Variants in MLLT3 observed in about 807,000 individuals in gnomAD.
The protein encoded by MLLT3 is protein AF-9.
MLLT3 carries 4 observed loss-of-function variants against 53.2 expected under a neutral mutation model. That is an observed-to-expected ratio of 0.08 (90% CI 0.04 to 0.17). MLLT3 has a LOEUF of 0.17. MLLT3 is among the 10% of genes least tolerant of loss of function. The probability of loss-of-function intolerance (pLI) is 1.00; values close to 1 mark genes in which losing one functional copy is unlikely to be tolerated. For synonymous variants in MLLT3, 283 were observed against 230.6 expected (o/e 1.23, Z -2.06); for missense variants, 569 against 684.0 (o/e 0.83, Z 1.87).
chr9:20,439,060 A>G (rs1019658781), intron 4 of MLLT3, among the ~76,000 whole-genome samples: 2 of 152,142 alleles, frequency 1.3e-5, no homozygotes, highest in African/African-American at 2.4e-5. Context: ...TCTATATTAA[A>G]TTACAAATCT....
intron 2 of MLLT3, among the ~76,000 whole-genome samples, chr9:20,529,329 ACC>A: frequency 1.3e-5 from 2 of 152,210 alleles, no homozygotes; most frequent in Non-Finnish European, 2.9e-5. Flanking sequence ...TAATGCAACC[ACC>A]TCTTCTCGTT....
rs116613642 is a variant in MLLT3, at chr9:20,362,358, C to T, written c.1331+1118G>A. 4.9e-3 allele frequency among the ~76,000 whole-genome samples: 739 copies of T among 152,276 alleles called. 5 individuals carry two copies. The highest frequency in any genetic ancestry group is 0.014 in the African/African-American group (601 of 41,562). ...GGTCATACGTTTTTCATCAACTAAACTTGAGAGCAGCCAGTGGTCAGGATT... is the reference window on the plus strand; with the variant it reads ...GGTCATACGTTTTTCATCAACTAAATTTGAGAGCAGCCAGTGGTCAGGATT... On this transcript the variant is annotated intron_variant, in intron 7 of 10. Coordinates refer to ENST00000380338, the MANE Select transcript of MLLT3 (RefSeq NM_004529.4).
intron 2 of MLLT3, among the ~76,000 whole-genome samples, chr9:20,519,989 C>A (rs543379637): frequency 1.3e-5 from 2 of 152,218 alleles, no homozygotes; most frequent in South Asian, 4.2e-4. Flanking sequence ...AAATATGGTA[C>A]ATATATGCCA....
rs186820645 is a variant in MLLT3 at position 20,464,242 on chromosome 9, C to T, written c.194-7456G>A. Among the ~76,000 whole-genome samples, 283 of 151,508 alleles carry T rather than the reference C, an allele frequency of 1.9e-3. 4 individuals carry two copies. Among genetic ancestry groups the T allele is most frequent in the South Asian group, 0.015 (73 of 4,768 alleles). ...AAATTATACTTTTCATTAATATTAA[C>T]GCATTTCTTCTCAATAATAATAGCC... On this transcript the variant is annotated intron_variant, in intron 2 of 10. Coordinates refer to ENST00000380338, the MANE Select transcript of MLLT3 (RefSeq NM_004529.4).
intron 2 of MLLT3, among the ~76,000 whole-genome samples, chr9:20,479,548 G>A (rs1461301770): frequency 6.6e-6 from 1 of 152,084 alleles, no homozygotes; most frequent in Admixed American, 6.6e-5. Flanking sequence ...GAGGAGAAAG[G>A]AGTAAGGCCT....
intron 2 of MLLT3, among the ~76,000 whole-genome samples, chr9:20,463,686 A>T (rs1456103270): frequency 6.6e-6 from 1 of 152,192 alleles, no homozygotes; most frequent in Non-Finnish European, 1.5e-5. Context: ...GATGGGAAAT[A>T]GAAAAACTGT....
At position 20,507,410 on chromosome 9, in the gene MLLT3, A is replaced by C. The variant is rs557195895; in HGVS notation, c.194-50624T>G. ...CCAAGTTGACTGCAGCCTAGGCTCA[A>C]AACTTCCTTCATTTTTTTAAAATGA... On this transcript the variant is annotated intron_variant, in intron 2 of 10. Coordinates refer to ENST00000380338, the MANE Select transcript of MLLT3 (RefSeq NM_004529.4). Among the ~76,000 whole-genome samples, 5 of 152,294 alleles carry C rather than the reference A, an allele frequency of 3.3e-5. No individual in the cohort carries two copies. The South Asian group carries it at 1.0e-3, about 32-fold the overall frequency.
At chr9:20,394,017 CACA>C (rs958557164) in intron 5 of MLLT3, among the ~76,000 whole-genome samples, 7 of 152,156 alleles carry the variant, frequency 4.6e-5, no homozygotes, top group East Asian at 1.9e-4. Flanking sequence ...AATTATCCTT[CACA>C]ACAACTCTTT....
rs772355170 is a variant in MLLT3, at chr9:20,552,522, CGTT to C, written c.193+68129_193+68131del. On this transcript the variant is annotated intron_variant, in intron 2 of 10. Transcript: ENST00000380338. ...CTCCTTCCCAGTTTGTTGTTGTTAT[CGTT>C]GTTGTTGTTGTTGGGGCAGAATAGA... Among the ~76,000 whole-genome samples, 450 of 151,930 alleles carry C rather than the reference CGTT, an allele frequency of 3.0e-3. 1 individual carries two copies. Among genetic ancestry groups the C allele is most frequent in the Middle Eastern group, 6.8e-3 (2 of 294 alleles).
chr9:20,595,257 C>G (rs990781339), intron 2 of MLLT3, among the ~76,000 whole-genome samples: 32 of 152,152 alleles, frequency 2.1e-4, no homozygotes, highest in African/African-American at 7.2e-4. Context: ...GATCCAGCTA[C>G]ACAAGAGGCT....
Position 20,414,037 on chromosome 9 carries a change from A to G in MLLT3, c.809T>C (p.Leu270Pro). 1.2e-6 allele frequency: 2 copies of G among 1,613,998 alleles called. No individual in the cohort carries two copies. Among genetic ancestry groups the G allele is most frequent in the East Asian group, 4.5e-5 (2 of 44,892 alleles). The change falls in exon 5 of 11, where the codon CTC (leucine) becomes CCC (proline). Residue 270 changes from leucine (L) to proline (P), a missense_variant. Around this residue, in one of 5 missense-constraint regions of MLLT3, gnomAD observed 437 missense variants for 376.5 expected, o/e 1.16. Transcript: ENST00000380338. ...SKEPKPDSNL[L>P]TITSGQDKKA... ...CTTATCTTGTCCACTGGTGATGGTG[A>G]GTAAGTTACTATCTGGTTTTGGCTC...
At chr9:20,361,338 T>G (rs1180739303) in intron 7 of MLLT3, among the ~76,000 whole-genome samples, 2 of 152,306 alleles carry the variant, frequency 1.3e-5, no homozygotes, top group East Asian at 3.9e-4. Context: ...ATGAAAAAGT[T>G]ACAAACATGT....
At chr9:20,512,938 G>A (rs1035006785) in intron 2 of MLLT3, among the ~76,000 whole-genome samples, 2 of 152,096 alleles carry the variant, frequency 1.3e-5, no homozygotes, top group African/African-American at 2.4e-5. Context: ...CATACTCCAC[G>A]GTATAGGACA....
intron 4 of MLLT3, among the ~76,000 whole-genome samples, chr9:20,430,287 T>G (rs751155161): frequency 3.3e-5 from 5 of 152,046 alleles, no homozygotes; most frequent in Admixed American, 3.3e-4. Flanking sequence ...ATCTCAACAG[T>G]TTTTCAGAGA....
intron 5 of MLLT3, among the ~76,000 whole-genome samples, chr9:20,381,070 A>G (rs1164480378): frequency 6.6e-6 from 1 of 151,976 alleles, no homozygotes; most frequent in African/African-American, 2.4e-5. Flanking sequence ...TTCCTAGAAT[A>G]AAAGGAACTT....
At chr9:20,505,742 G>C (rs146959839) in intron 2 of MLLT3, among the ~76,000 whole-genome samples, 1 of 152,176 alleles carries the variant, frequency 6.6e-6, no homozygotes, top group East Asian at 1.9e-4. Context: ...ACAGTTGGTA[G>C]GTTTTTCCTC....
intron 8 of MLLT3, among the ~76,000 whole-genome samples, chr9:20,356,844 TC>T (rs1390025539): frequency 2.0e-5 from 3 of 152,188 alleles, no homozygotes; most frequent in African/African-American, 7.2e-5. Flanking sequence ...TACATTGAAA[TC>T]CTAGTTTCTT....
chr9:20,353,732 G>A lies in MLLT3; in HGVS notation c.1504-136C>T, dbSNP rs185147154. On this transcript the variant is annotated intron_variant, in intron 9 of 10. Transcript: ENST00000380338. The stretch of plus-strand genomic sequence containing the variant: ...TACACCACTCTAGCCCAGGCTGTGT[G>A]CACTCAGTGCCCAAAGGCCTCTGCA... 1.2e-3 allele frequency: 882 copies of A among 716,322 alleles called. 3 individuals carry two copies. The highest frequency in any genetic ancestry group is 1.2e-3 in the Non-Finnish European group (510 of 412,790). The allele number at this position is 716,322 out of a possible 1,614,324, so 44.4% of individuals were successfully genotyped here.
At chr9:20,501,370 T>C (rs1825221009) in intron 2 of MLLT3, among the ~76,000 whole-genome samples, 1 of 152,174 alleles carries the variant, frequency 6.6e-6, no homozygotes, top group Non-Finnish European at 1.5e-5. Flanking sequence ...AGTTAAGGCA[T>C]CTAACTATGA....
Sources: allele counts gnomAD v4.1 joint callset (sites outside exome capture counted in the v4.1 genomes callset), GRCh38; gene constraint gnomAD v4.1.1; regional missense constraint gnomAD v4.1.1; transcripts MANE v1.5; gene names NCBI Gene and HGNC (gene_info 2026-07-23, HGNC 2026-07-21).